FAM135B: variants seen among roughly 807,000 people sequenced by gnomAD.
FAM135B encodes protein FAM135B.
In FAM135B, 43 loss-of-function variants were observed where a neutral mutation model predicts 127.7. The ratio of observed to expected loss-of-function variants is 0.34; its 90% confidence interval spans 0.26 to 0.43. The LOEUF (loss-of-function observed/expected upper bound fraction) is 0.43, where lower values mean the gene tolerates loss of function less well. Among genes scored for constraint, FAM135B ranks in the 20% least tolerant of loss-of-function variants. The probability of loss-of-function intolerance (pLI) is 1.00; values close to 1 mark genes in which losing one functional copy is unlikely to be tolerated. For missense variants in FAM135B, 1,558 were observed against 1,725.6 expected (o/e 0.90, Z 1.72); for synonymous variants, 670 against 665.1 (o/e 1.01, Z -0.11).
At chr8:138,442,481 T>C (rs964016354) in intron 1 of FAM135B, among the ~76,000 whole-genome samples, 4 of 151,840 alleles carry the variant, frequency 2.6e-5, no homozygotes, top group East Asian at 3.9e-4. Flanking sequence ...TGTCAAGTGA[T>C]AGGATGTAGC....
In FAM135B at chr8:138,182,296, C is replaced by T. The variant is rs566904205; in HGVS notation, c.874-3606G>A. Among the ~76,000 whole-genome samples the T allele has an allele frequency of 2.0e-5, 3 of 152,370 alleles. No homozygotes were observed. The South Asian group carries it at 6.2e-4, about 32-fold the overall frequency. Reference sequence around the variant, plus strand: ...CTTTTCTACTCCACAGATGCCCGAGCCTGTGCAATCACAGATGGCGAGCTT... The same window carrying T: ...CTTTTCTACTCCACAGATGCCCGAGTCTGTGCAATCACAGATGGCGAGCTT... On this transcript the variant is annotated intron_variant, in intron 9 of 19. Coordinates refer to ENST00000395297, the MANE Select transcript of FAM135B (RefSeq NM_015912.4).
intron 1 of FAM135B, among the ~76,000 whole-genome samples, chr8:138,434,824 G>T (rs1319668217): frequency 6.6e-6 from 1 of 152,090 alleles, no homozygotes; most frequent in Non-Finnish European, 1.5e-5. Flanking sequence ...AGTAGGTGGG[G>T]GTACATGCCA....
At chr8:138,349,517 TAGTAGGGATTAAGG>T (rs796155086) in intron 2 of FAM135B, among the ~76,000 whole-genome samples, 6 of 152,340 alleles carry the variant, frequency 3.9e-5, no homozygotes, top group African/African-American at 1.4e-4. Context: ...TAGCAGGATA[TAGTAGGGATTAAGG>T]AAGGCTGGTT....
chr8:138,144,070 T>C (rs1269110353), intron 15 of FAM135B, among the ~76,000 whole-genome samples: 1 of 152,184 alleles, frequency 6.6e-6, no homozygotes, highest in East Asian at 1.9e-4. Context: ...TAAACCTCAG[T>C]CTCCTTATTT....
At position 138,241,053 on chromosome 8, in the gene FAM135B, C is replaced by T. The variant is rs958466343; in HGVS notation, c.669+1889G>A. Among the ~76,000 whole-genome samples the T allele has an allele frequency of 6.6e-6, 1 of 152,030 alleles. No individual in the cohort carries two copies. The highest frequency in any genetic ancestry group is 6.6e-5 in the Admixed American group (1 of 15,266). On this transcript the variant is annotated intron_variant, in intron 7 of 19. Transcript: ENST00000395297. The surrounding 1 kb of genome is among the most constrained non-coding windows in gnomAD (Gnocchi z 4.8). ...GTCTACTGAAACTCTGGGTGCCAGC[C>T]CACGTGGGGGCTGAAGGAAGGAAGA...
At position 138,444,508 on chromosome 8, in the gene FAM135B, CG is replaced by C. The variant is rs1356192671; in HGVS notation, c.-20+52162del. 2.0e-5 allele frequency among the ~76,000 whole-genome samples: 3 copies of C among 152,180 alleles called. No individual in the cohort carries two copies. The South Asian group carries it at 6.2e-4, about 32-fold the overall frequency. On this transcript the variant is annotated intron_variant, in intron 1 of 19. Transcript: ENST00000395297. ...CAGGATTAAGAAACTCACTCAAAAC[CG>C]CTCAACTACATGGAAACTGAACAAC...
chr8:138,197,117 GTA>G lies in FAM135B; in HGVS notation c.823+397_823+398del, dbSNP rs147195526. ...TGTGTGTGTGTGTGTGTGTGTGTGT[GTA>G]TATATATAGTTTTTATGAGGATTGT... On this transcript the variant is annotated intron_variant, in intron 8 of 19. Coordinates refer to ENST00000395297, the MANE Select transcript of FAM135B (RefSeq NM_015912.4). 9.7e-3 allele frequency among the ~76,000 whole-genome samples: 402 copies of G among 41,626 alleles called. 1 individual carries two copies. The East Asian group carries it at 0.13, about 14-fold the overall frequency. The allele number at this position is 41,626 out of a possible 152,430, so 27.3% of individuals were successfully genotyped here.
At chr8:138,149,408 C>G (rs1049831895) in intron 13 of FAM135B, among the ~76,000 whole-genome samples, 4 of 152,126 alleles carry the variant, frequency 2.6e-5, no homozygotes, top group African/African-American at 7.2e-5. Flanking sequence ...CCACTCCCAG[C>G]CTCCACAAAT....
intron 1 of FAM135B, among the ~76,000 whole-genome samples, chr8:138,405,370 C>G (rs1352271343): frequency 8.5e-6 from 1 of 118,122 alleles, no homozygotes; most frequent in Non-Finnish European, 1.7e-5. Context: ...TCCCTCCCCC[C>G]ACCCCACAAC....
At chr8:138,390,761 A>C (rs1398666203) in intron 1 of FAM135B, among the ~76,000 whole-genome samples, 1 of 152,142 alleles carries the variant, frequency 6.6e-6, no homozygotes, top group East Asian at 1.9e-4. Flanking sequence ...AAGGCAGAGG[A>C]AGGTGGGGAT....
At chr8:138,138,877 A>G (rs1816885607) in intron 18 of FAM135B, 109 bp downstream of exon 18, 2 of 743,414 alleles carry the variant, frequency 2.7e-6, no homozygotes. Context: ...GGGCCTCCTG[A>G]CTAGGCCCTT....
intron 7 of FAM135B, among the ~76,000 whole-genome samples, chr8:138,212,867 C>T (rs1302462792): frequency 1.3e-5 from 2 of 152,156 alleles, no homozygotes; most frequent in African/African-American, 4.8e-5. Flanking sequence ...GTTGTCAGAT[C>T]ATTATAAAAC....
intron 1 of FAM135B, among the ~76,000 whole-genome samples, chr8:138,409,260 G>A (rs1159269526): frequency 6.6e-6 from 1 of 152,144 alleles, no homozygotes; most frequent in South Asian, 2.1e-4. Flanking sequence ...AGAGGAGAAA[G>A]ATGGGGGAAG....
At chr8:138,460,000 CT>C (rs1214836022) in intron 1 of FAM135B, among the ~76,000 whole-genome samples, 1 of 152,152 alleles carries the variant, frequency 6.6e-6, no homozygotes, top group African/African-American at 2.4e-5. Flanking sequence ...TAAGGATGAT[CT>C]GATTTAATAT....
chr8:138,239,179 G>C lies in FAM135B; in HGVS notation c.669+3763C>G, dbSNP rs148166006. Among the ~76,000 whole-genome samples, 613 of 152,320 alleles carry C rather than the reference G, an allele frequency of 4.0e-3. 5 individuals are homozygous for C. The highest frequency in any genetic ancestry group is 0.014 in the African/African-American group (589 of 41,580). Reference sequence around the variant, plus strand: ...ACTAAGTTTCCCAGTCCCACCAACAGTGTAAAAGTGTTCCTGTTTCTCCAC... The same window carrying C: ...ACTAAGTTTCCCAGTCCCACCAACACTGTAAAAGTGTTCCTGTTTCTCCAC... On this transcript the variant is annotated intron_variant, in intron 7 of 19. Coordinates refer to ENST00000395297, the MANE Select transcript of FAM135B (RefSeq NM_015912.4).
intron 7 of FAM135B, among the ~76,000 whole-genome samples, chr8:138,227,542 T>G (rs1011561561): frequency 1.3e-5 from 2 of 152,156 alleles, no homozygotes; most frequent in African/African-American, 4.8e-5. Flanking sequence ...TATTGATAGC[T>G]TTATTGGGGT....
intron 4 of FAM135B, among the ~76,000 whole-genome samples, chr8:138,260,970 G>T (rs571138367): frequency 6.6e-6 from 1 of 152,106 alleles, no homozygotes. Context: ...CCAGTTTCTA[G>T]CCCCTTAGCA....
intron 1 of FAM135B, among the ~76,000 whole-genome samples, chr8:138,456,233 T>G (rs1200337261): frequency 6.6e-6 from 1 of 152,178 alleles, no homozygotes; most frequent in Non-Finnish European, 1.5e-5. Flanking sequence ...CTCACAAATA[T>G]CACTGGGTAT....
chr8:138,135,004 G>A (rs544079560), intron 19 of FAM135B, among the ~76,000 whole-genome samples: 6 of 152,320 alleles, frequency 3.9e-5, no homozygotes, highest in African/African-American at 1.4e-4. Context: ...TAGAGCAGGA[G>A]TTGTCAGACT....
Sources: allele counts gnomAD v4.1 joint callset (sites outside exome capture counted in the v4.1 genomes callset), GRCh38; gene constraint gnomAD v4.1.1; non-coding constraint Gnocchi (gnomAD v3.1); transcripts MANE v1.5; gene names NCBI Gene and HGNC (gene_info 2026-07-23, HGNC 2026-07-21).